The following ZNF92 variants were observed in gnomAD, a reference collection of about 807,000 sequenced individuals.
ZNF92 encodes zinc finger protein 92, also known as epididymis luminal protein 203.
In ZNF92, 11 loss-of-function variants were observed where a neutral mutation model predicts 12.4. The ratio of observed to expected loss-of-function variants is 0.89; its 90% CI spans 0.56 to 1.47. The LOEUF is 1.47. Among genes scored for constraint, ZNF92 ranks in the 40% most tolerant of loss-of-function variants. The probability of loss-of-function intolerance (pLI) is 0.00; values close to 1 mark genes in which losing one functional copy is unlikely to be tolerated. For missense variants in ZNF92, 622 were observed against 681.0 expected (o/e 0.91, Z 0.96); for synonymous variants, 206 against 228.6 (o/e 0.90, Z 0.89).
chr7:65,395,307 G>A (rs1354581882), intron 3 of ZNF92, among the ~76,000 whole-genome samples: 1 of 152,056 alleles, frequency 6.6e-6, no homozygotes, highest in African/African-American at 2.4e-5. Context: ...CTCCCACCTT[G>A]AAATCCCAGA....
At chr7:65,374,582 G>A (rs1562786722) in intron 1 of ZNF92, among the ~76,000 whole-genome samples, 2 of 151,888 alleles carry the variant, frequency 1.3e-5, no homozygotes, top group Admixed American at 6.6e-5. Context: ...CAGTTACGTC[G>A]TTTTTTAATT....
chr7:65,400,017 A>T lies in ZNF92; in HGVS notation c.*142A>T. 1.3e-6 allele frequency: 1 copy of T among 751,848 alleles called. No homozygotes were observed. The highest frequency in any genetic ancestry group is 2.0e-6 in the Non-Finnish European group (1 of 496,904). The allele number at this position is 751,848 out of a possible 1,614,324, so 46.6% of individuals were successfully genotyped here. Reference sequence around the variant, plus strand: ...AGGTAAGATAATTTATATTGGAGAAAAATCCTCCAAGTATGAAGAATGTGG... The same window carrying T: ...AGGTAAGATAATTTATATTGGAGAATAATCCTCCAAGTATGAAGAATGTGG... On this transcript the variant is annotated 3_prime_UTR_variant, in exon 4 of 4. Transcript: ENST00000328747.
chr7:65,385,863 G>A (rs892589906), intron 1 of ZNF92, among the ~76,000 whole-genome samples: 5 of 151,898 alleles, frequency 3.3e-5, no homozygotes, highest in East Asian at 1.9e-4. Context: ...CTATTTTTCC[G>A]CTAAAAGTGT....
At position 65,388,837 on chromosome 7, in the gene ZNF92, C is replaced by G. The variant is rs1416213945; in HGVS notation, c.162C>G (p.Thr54=). The G allele has an allele frequency of 6.3e-7, 1 of 1,585,266 alleles. No individual in the cohort carries two copies. Among genetic ancestry groups the G allele is most frequent in the African/African-American group, 1.4e-5 (1 of 74,034 alleles). ...CTGTCTCTAAGCCAGACCTGATCAC[C>G]TGGCTGGAGCAAGGAAAAGAGCCCT... ...GIAVSKPDLI[T]WLEQGKEPWN... Residue 54 remains threonine, a synonymous_variant, in exon 3 of 4, where the codon ACC becomes ACG. Transcript: ENST00000328747.
At chr7:65,385,926 A>G (rs963565403) in intron 1 of ZNF92, among the ~76,000 whole-genome samples, 1 of 151,724 alleles carries the variant, frequency 6.6e-6, no homozygotes, top group Non-Finnish European at 1.5e-5. Flanking sequence ...TGTGTTTAGT[A>G]CTTATAAACC....
In ZNF92 at chr7:65,392,977, C is replaced by G. The variant is rs1793755928; in HGVS notation, c.226+4076C>G. Among the ~76,000 whole-genome samples, 3 of 152,030 alleles carry G rather than the reference C, an allele frequency of 2.0e-5. No homozygotes were observed. In the South Asian group the frequency reaches 6.2e-4, roughly 32 times the overall value. On this transcript the variant is annotated intron_variant, in intron 3 of 3. Transcript: ENST00000328747. ...ATTGAGGGGAGAGGATTACTTAAGC[C>G]TGGAAGTTTGAGGCTGCAGTGAGCC... is the stretch of plus-strand genomic sequence containing the variant.
intron 1 of ZNF92, among the ~76,000 whole-genome samples, chr7:65,386,220 G>C (rs879743115): frequency 6.6e-6 from 1 of 151,790 alleles, no homozygotes. Flanking sequence ...GGGTTTCACC[G>C]TGTTGACCAG....
At chr7:65,380,963 G>A (rs959064586) in intron 1 of ZNF92, among the ~76,000 whole-genome samples, 2 of 151,952 alleles carry the variant, frequency 1.3e-5, no homozygotes, top group Non-Finnish European at 2.9e-5. Context: ...CTAATGATTA[G>A]TGATGAGCAC....
chr7:65,399,775 C>A lies in ZNF92; in HGVS notation c.1661C>A (p.Thr554Lys). The change falls in exon 4 of 4, where the codon ACA becomes AAA. Residue 554 changes from threonine (T) to lysine (K), a missense_variant. Transcript: ENST00000328747. ...TTTAACAAGTTCTCAACCCTTATTA[C>A]ACATCAGATAATTTATACTGGAGAG... ...KAFNKFSTLITHQIIYTGEKP... is the reference protein window; with the variant it reads ...KAFNKFSTLIKHQIIYTGEKP... The A allele has an allele frequency of 6.2e-7, 1 of 1,613,338 alleles. No homozygotes were observed.
chr7:65,380,749 T>C (rs1365080451), intron 1 of ZNF92, among the ~76,000 whole-genome samples: 1 of 152,138 alleles, frequency 6.6e-6, no homozygotes, highest in Non-Finnish European at 1.5e-5. Flanking sequence ...ATTCTGTTTT[T>C]AGTTTTGTGA....
At position 65,398,462 on chromosome 7, in the gene ZNF92, C is replaced by A; in HGVS notation, c.348C>A (p.Asp116Glu). The A allele has an allele frequency of 1.2e-6, 2 of 1,612,860 alleles. No homozygotes were observed. Among genetic ancestry groups the A allele is most frequent in the Non-Finnish European group, 1.7e-6 (2 of 1,179,574 alleles). Residue 116 changes from aspartate to glutamate, a missense_variant, in exon 4 of 4, where the codon GAC (aspartate) becomes GAA (glutamate). Transcript: ENST00000328747. The part of the protein sequence containing the change: ...YGHENLQLRK[D>E]HKSVDACKVY... ...ATGAGAATTTACAGCTAAGAAAAGA[C>A]CATAAAAGTGTGGATGCATGTAAGG...
At chr7:65,385,747 T>G (rs767288958) in intron 1 of ZNF92, among the ~76,000 whole-genome samples, 1 of 152,044 alleles carries the variant, frequency 6.6e-6, no homozygotes, top group Non-Finnish European at 1.5e-5. Flanking sequence ...GGTAAACAGG[T>G]GGTGCCGACA....
intron 1 of ZNF92, among the ~76,000 whole-genome samples, chr7:65,376,743 C>T (rs1793253388): frequency 6.6e-6 from 1 of 152,174 alleles, no homozygotes; most frequent in Non-Finnish European, 1.5e-5. Context: ...CCGCGCCTAG[C>T]CCACTTGTGT....
chr7:65,375,676 G>A (rs552848139), intron 1 of ZNF92, among the ~76,000 whole-genome samples: 13 of 147,612 alleles, frequency 8.8e-5, no homozygotes, highest in East Asian at 2.0e-4. Context: ...GGTGAAAGCC[G>A]GTTTCTACTA....
chr7:65,399,374 T>C lies in ZNF92; in HGVS notation c.1260T>C (p.Thr420=), dbSNP rs1336206955. 3 of 1,613,028 alleles carry C rather than the reference T, an allele frequency of 1.9e-6. No individual in the cohort carries two copies. Among genetic ancestry groups the C allele is most frequent in the Non-Finnish European group, 2.5e-6 (3 of 1,179,606 alleles). Residue 420 remains threonine, a synonymous_variant, in exon 4 of 4, where the codon ACT becomes ACC. Coordinates refer to ENST00000328747, the MANE Select transcript of ZNF92 (RefSeq NM_152626.4). ...TTACTGAACATAAGATAATTCATAC[T>C]GGAGAGAAACCCTACAAATGTGAAA... ...STLTEHKIIH[T]GEKPYKCEKC...
At chr7:65,382,081 T>C (rs1793434843) in intron 1 of ZNF92, among the ~76,000 whole-genome samples, 2 of 152,106 alleles carry the variant, frequency 1.3e-5, no homozygotes, top group South Asian at 4.1e-4. Context: ...GTGAAAAGTT[T>C]ATTTTGTCAT....
At chr7:65,374,439 A>G (rs1033515617) in intron 1 of ZNF92, among the ~76,000 whole-genome samples, 1 of 150,694 alleles carries the variant, frequency 6.6e-6, no homozygotes, top group Non-Finnish European at 1.5e-5. Flanking sequence ...TGAAGAATTT[A>G]ATCAAAGAGC....
At position 65,398,516 on chromosome 7, in the gene ZNF92, C is replaced by G. The variant is rs1285644274; in HGVS notation, c.402C>G (p.Asn134Lys). The change falls in exon 4 of 4, where the codon AAC (asparagine) becomes AAG (lysine). Residue 134 changes from asparagine to lysine, a missense_variant. Coordinates refer to ENST00000328747, the MANE Select transcript of ZNF92 (RefSeq NM_152626.4). ...ACAAAGGAGGTTATAATGGACTTAA[C>G]CAGTGTTTGACAACTACTGACAGCA... The part of the protein sequence containing the change: ...KVYKGGYNGL[N>K]QCLTTTDSKI... 6.2e-7 allele frequency: 1 copy of G among 1,611,852 alleles called. No homozygotes were observed. Among genetic ancestry groups the G allele is most frequent in the Non-Finnish European group, 8.5e-7 (1 of 1,179,278 alleles).
chr7:65,374,167 C>A (rs1386904804), intron 1 of ZNF92, among the ~76,000 whole-genome samples, 167 bp downstream of exon 1: 1 of 152,060 alleles, frequency 6.6e-6, no homozygotes, highest in Non-Finnish European at 1.5e-5. Flanking sequence ...CATAAGATGG[C>A]GGCTGGGCTG....
Sources: gnomAD v4.1 joint callset for allele counts (sites outside exome capture counted in the v4.1 genomes callset) on GRCh38, gnomAD v4.1.1 for gene constraint, MANE v1.5 for transcripts, NCBI Gene and HGNC (gene_info 2026-07-23, HGNC 2026-07-21) for gene names.